The following LRP1B variants were observed in gnomAD, a reference collection of about 807,000 sequenced individuals.
LRP1B encodes low-density lipoprotein receptor-related protein 1B.
A neutral mutation model predicts 556.6 loss-of-function variants in LRP1B; 217 were observed. That is an observed-to-expected ratio of 0.39 (90% CI 0.35 to 0.44). The LOEUF is 0.44. LRP1B is among the 20% of genes least tolerant of loss of function. The probability of loss-of-function intolerance (pLI) is 1.00; values close to 1 mark genes in which losing one functional copy is unlikely to be tolerated. For missense variants in LRP1B, 5,053 were observed against 5,620.8 expected (o/e 0.90, Z 3.23); for synonymous variants, 2,047 against 1,865.8 (o/e 1.10, Z -2.50).
intron 4 of LRP1B, among the ~76,000 whole-genome samples, chr2:141,252,063 T>C (rs1684281565): frequency 6.6e-6 from 1 of 152,034 alleles, no homozygotes; most frequent in Non-Finnish European, 1.5e-5. Flanking sequence ...GGTGTATAAA[T>C]GCCTGAGTTC....
chr2:141,381,278 T>C (rs1689632130), intron 3 of LRP1B, among the ~76,000 whole-genome samples: 1 of 150,396 alleles, frequency 6.6e-6, no homozygotes, highest in Non-Finnish European at 1.5e-5. Flanking sequence ...AAACTATAAG[T>C]GGTTCAAGAG....
intron 3 of LRP1B, among the ~76,000 whole-genome samples, chr2:141,383,060 G>T (rs1436439746): frequency 1.3e-5 from 2 of 152,116 alleles, no homozygotes; most frequent in Admixed American, 6.5e-5. Context: ...AATAGGCAAA[G>T]AATATGAATA....
At position 140,495,699 on chromosome 2, in the gene LRP1B, A is replaced by G. The variant is rs776781636; in HGVS notation, c.8900T>C (p.Val2967Ala). 1.2e-5 allele frequency: 19 copies of G among 1,613,478 alleles called. No individual in the cohort carries two copies. In the Admixed American group the frequency reaches 3.2e-4, roughly 27 times the overall value. Reference sequence around the variant, plus strand: ...GCCTGAAGAGCATTCATCAATGTCTACACATGTTTTGCCGTCATCCTTCAG... The same window carrying G: ...GCCTGAAGAGCATTCATCAATGTCTGCACATGTTTTGCCGTCATCCTTCAG... ...FQLKDDGKTC[V>A]DIDECSSGFP... is the part of the protein sequence containing the mutation. The change falls in exon 56 of 91, where the codon GTA becomes GCA. Residue 2967 changes from valine to alanine, a missense_variant. Val to Ala is a moderately conservative substitution (Grantham distance 64). This residue lies in a region of LRP1B where 3,619 missense variants were observed against 3,931.9 expected (regional missense o/e 0.92). Transcript: ENST00000389484.
At chr2:141,034,853 C>G (rs1388476741) in intron 11 of LRP1B, among the ~76,000 whole-genome samples, 1 of 151,564 alleles carries the variant, frequency 6.6e-6, no homozygotes, top group Non-Finnish European at 1.5e-5. Context: ...CATCCCATTA[C>G]TGGGTATATA....
intron 28 of LRP1B, 44 bp from the exon 29 acceptor site, chr2:140,850,373 G>T: frequency 8.3e-7 from 1 of 1,203,924 alleles, no homozygotes; most frequent in Non-Finnish European, 1.2e-6. Context: ...AAGTTGGCAA[G>T]CTTGAAAGTC....
In LRP1B at chr2:140,328,140, A is replaced by T. The variant is rs139384873; in HGVS notation, c.12224-2262T>A. Among the ~76,000 whole-genome samples the T allele has an allele frequency of 4.2e-3, 643 of 152,172 alleles. 4 individuals are homozygous for T. The highest frequency in any genetic ancestry group is 0.015 in the African/African-American group (614 of 41,572). On this transcript the variant is annotated intron_variant, in intron 79 of 90. Coordinates refer to ENST00000389484, the MANE Select transcript of LRP1B (RefSeq NM_018557.3). ...CCAATAATAAAGTGGAAAAAAATCAATTCTCAAGAAACTCATTTTTATCTG... is the reference window on the plus strand; with the variant it reads ...CCAATAATAAAGTGGAAAAAAATCATTTCTCAAGAAACTCATTTTTATCTG...
intron 41 of LRP1B, among the ~76,000 whole-genome samples, chr2:140,609,050 T>C (rs986344890): frequency 2.6e-5 from 4 of 152,170 alleles, no homozygotes; most frequent in Non-Finnish European, 4.4e-5. Context: ...ATTGTGTCAG[T>C]CCTTCTGTAG....
At chr2:141,402,289 T>C (rs1690476542) in intron 3 of LRP1B, among the ~76,000 whole-genome samples, 1 of 152,140 alleles carries the variant, frequency 6.6e-6, no homozygotes, top group Non-Finnish European at 1.5e-5. Context: ...AATATTAGAA[T>C]GATCCCACAT....
intron 79 of LRP1B, among the ~76,000 whole-genome samples, chr2:140,328,558 AAAT>A (rs1248628570): frequency 1.3e-5 from 2 of 152,074 alleles, no homozygotes; most frequent in Non-Finnish European, 2.9e-5. Context: ...AGAGAACAAT[AAAT>A]TTAAATCACT....
intron 7 of LRP1B, among the ~76,000 whole-genome samples, chr2:141,149,701 A>G (rs1386347678): frequency 6.6e-6 from 1 of 152,194 alleles, no homozygotes; most frequent in African/African-American, 2.4e-5. Flanking sequence ...TTCCCAAGAC[A>G]ATTCAGAATT....
chr2:140,939,248 T>C (rs1219394657), intron 20 of LRP1B, among the ~76,000 whole-genome samples: 1 of 151,930 alleles, frequency 6.6e-6, no homozygotes, highest in East Asian at 1.9e-4. Flanking sequence ...CAAGATAAAC[T>C]TAATTTAGTT....
intron 35 of LRP1B, among the ~76,000 whole-genome samples, chr2:140,743,992 GT>G (rs1559090765): frequency 2.0e-3 from 10 of 4,922 alleles, no homozygotes; most frequent in Non-Finnish European, 3.1e-3. Flanking sequence ...AAAAAAAAAA[GT>G]AAAAAGTAAA....
intron 2 of LRP1B, among the ~76,000 whole-genome samples, chr2:141,707,517 C>T (rs1019825132): frequency 6.6e-6 from 1 of 152,112 alleles, no homozygotes; most frequent in African/African-American, 2.4e-5. Context: ...TTTGGGGCAT[C>T]AGAGAAATGT....
intron 16 of LRP1B, among the ~76,000 whole-genome samples, chr2:140,990,360 T>C (rs896640845): frequency 6.6e-6 from 1 of 152,112 alleles, no homozygotes; most frequent in Non-Finnish European, 1.5e-5. Context: ...AATTTAGTCA[T>C]ATATATTAAA....
intron 81 of LRP1B, among the ~76,000 whole-genome samples, chr2:140,322,597 C>CT (rs927500611): frequency 1.7e-4 from 25 of 151,408 alleles, no homozygotes; most frequent in East Asian, 7.7e-4. Context: ...AAAAATACGA[C>CT]TTTTTTTTTG....
chr2:140,880,353 T>C (rs1693435439), intron 25 of LRP1B, among the ~76,000 whole-genome samples: 1 of 152,138 alleles, frequency 6.6e-6, no homozygotes, highest in Non-Finnish European at 1.5e-5. Flanking sequence ...TAAAACGGGA[T>C]TCATGGTCTC....
chr2:142,088,643 G>A lies in LRP1B; in HGVS notation c.82+42005C>T, dbSNP rs921959671. Among the ~76,000 whole-genome samples the A allele has an allele frequency of 2.3e-4, 35 of 152,214 alleles. 1 individual carries two copies. Among genetic ancestry groups the A allele is most frequent in the African/African-American group, 9.6e-5 (4 of 41,522 alleles). On this transcript the variant is annotated intron_variant, in intron 1 of 90. Transcript: ENST00000389484. Reference sequence around the variant, plus strand: ...TTGTTAACATTATTAAAATATCAATGTTTAATGAAACAGTCCAAGTAGCAT... The same window carrying A: ...TTGTTAACATTATTAAAATATCAATATTTAATGAAACAGTCCAAGTAGCAT...
intron 2 of LRP1B, among the ~76,000 whole-genome samples, chr2:141,788,140 C>T (rs902254020): frequency 3.9e-5 from 6 of 152,006 alleles, no homozygotes; most frequent in African/African-American, 9.7e-5. Context: ...ATTTATGTGA[C>T]AGGCCCATAT....
chr2:140,973,278 C>T (rs1424569771), intron 18 of LRP1B, among the ~76,000 whole-genome samples: 3 of 151,772 alleles, frequency 2.0e-5, no homozygotes, highest in Non-Finnish European at 2.9e-5. Flanking sequence ...AAAGCTCATG[C>T]CTTTGTTACT....
Sources: gnomAD v4.1 joint callset for allele counts (sites outside exome capture counted in the v4.1 genomes callset) on GRCh38, gnomAD v4.1.1 for gene constraint, gnomAD v4.1.1 regional missense constraint, MANE v1.5 for transcripts, NCBI Gene and HGNC (gene_info 2026-07-23, HGNC 2026-07-21) for gene names.